HMGCLL1: variants seen among roughly 807,000 people sequenced by gnomAD.
HMGCLL1 encodes 3-hydroxy-3-methylglutaryl-CoA lyase like 1.
A neutral mutation model predicts 39.1 loss-of-function variants in HMGCLL1; 36 were observed. The observed-to-expected ratio is 0.92, with a 90% CI of 0.71 to 1.22. The LOEUF (loss-of-function observed/expected upper bound fraction) is 1.22. Among genes scored for constraint, HMGCLL1 ranks in the 50% most tolerant of loss-of-function variants. HMGCLL1 has a pLI of 0.00. For synonymous variants in HMGCLL1, 149 were observed against 144.0 expected, an observed-to-expected ratio of 1.03 and a Z score of -0.25; for missense variants, 451 against 416.5, an observed-to-expected ratio of 1.08 and a Z score of -0.72.
chr6:55,666,769 G>C, the HMGCLL1 span, among the ~76,000 whole-genome samples: 1 of 151,616 alleles, frequency 6.6e-6, no homozygotes, highest in Non-Finnish European at 1.5e-5. Flanking sequence ...AGCCAGTTTA[G>C]AAAGCTGCAC....
chr6:55,599,358 T>A, the HMGCLL1 span, among the ~76,000 whole-genome samples: 1 of 152,204 alleles, frequency 6.6e-6, no homozygotes, highest in Non-Finnish European at 1.5e-5. Context: ...AACTTAGATA[T>A]AAGCCAGCAT....
chr6:55,499,740 C>T (rs1221060846), intron 5 of HMGCLL1, among the ~76,000 whole-genome samples: 2 of 151,998 alleles, frequency 1.3e-5, no homozygotes, highest in Non-Finnish European at 2.9e-5. Context: ...GATATTTTGG[C>T]CTCATTTAGG....
the HMGCLL1 span, among the ~76,000 whole-genome samples, chr6:55,609,730 A>AC: frequency 1.3e-5 from 2 of 150,874 alleles, no homozygotes; most frequent in Non-Finnish European, 3.0e-5. Flanking sequence ...CTGCATGAGA[A>AC]CCCCCAACAG....
At chr6:55,553,876 T>C (rs952009415) in intron 1 of HMGCLL1, among the ~76,000 whole-genome samples, 3 of 152,180 alleles carry the variant, frequency 2.0e-5, no homozygotes, top group Non-Finnish European at 4.4e-5. Context: ...ATCAAAATAA[T>C]ACCTGGAAAT....
At chr6:55,547,480 T>C (rs1770053864) in intron 1 of HMGCLL1, among the ~76,000 whole-genome samples, 1 of 152,034 alleles carries the variant, frequency 6.6e-6, no homozygotes, top group Non-Finnish European at 1.5e-5. Context: ...TAACATCATC[T>C]ATAGTAGAAA....
the HMGCLL1 span, among the ~76,000 whole-genome samples, chr6:55,661,518 T>C: frequency 6.6e-6 from 1 of 152,066 alleles, no homozygotes; most frequent in African/African-American, 2.4e-5. Context: ...GATCAGATGA[T>C]TGTAGGTGTG....
chr6:55,486,010 A>G (rs1766007185), intron 7 of HMGCLL1, among the ~76,000 whole-genome samples: 1 of 151,232 alleles, frequency 6.6e-6, no homozygotes, highest in African/African-American at 2.4e-5. Flanking sequence ...CAAAAGTGGG[A>G]TCAGTTAAAT....
the HMGCLL1 span, among the ~76,000 whole-genome samples, chr6:55,659,491 A>G: frequency 6.6e-6 from 1 of 151,944 alleles, no homozygotes; most frequent in Non-Finnish European, 1.5e-5. Flanking sequence ...TCAAAAGAAA[A>G]TAACTGGCAT....
rs186025127 is a variant in HMGCLL1 at position 55,439,238 on chromosome 6, G to A, written c.921+196C>T. On this transcript the variant is annotated intron_variant, in intron 8 of 8. Coordinates refer to ENST00000274901, the MANE Select transcript of HMGCLL1 (RefSeq NM_001042406.2). Reference sequence around the variant, plus strand: ...AAAATGTGAAATGGTAGCATTATTGGTGATTGAGCTATAGCAATGAGTTAC... The same window carrying A: ...AAAATGTGAAATGGTAGCATTATTGATGATTGAGCTATAGCAATGAGTTAC... 1.2e-3 allele frequency among the ~76,000 whole-genome samples: 190 copies of A among 152,172 alleles called. 6 individuals are homozygous for A. Among genetic ancestry groups the A allele is most frequent in the Admixed American group, 0.012 (188 of 15,256 alleles).
At chr6:55,671,290 T>C in the HMGCLL1 span, among the ~76,000 whole-genome samples, 2 of 151,704 alleles carry the variant, frequency 1.3e-5, no homozygotes, top group Admixed American at 6.6e-5. Flanking sequence ...TTGGAGAGAT[T>C]TGAAGCATGA....
upstream of HMGCLL1, among the ~76,000 whole-genome samples, chr6:55,581,745 A>C (rs1043069470): frequency 2.6e-5 from 4 of 152,048 alleles, no homozygotes; most frequent in African/African-American, 9.7e-5. Context: ...CTACGAAGTG[A>C]GTAAGTGCCA....
At chr6:55,531,560 A>G (rs1270749479) in intron 3 of HMGCLL1, among the ~76,000 whole-genome samples, 1 of 152,154 alleles carries the variant, frequency 6.6e-6, no homozygotes, top group Non-Finnish European at 1.5e-5. Flanking sequence ...GATGAACTCA[A>G]TACAATTGAA....
rs145981524 is a variant in HMGCLL1 at position 55,544,311 on chromosome 6, C to T, written c.109-2171G>A. Among the ~76,000 whole-genome samples, 322 of 152,094 alleles carry T rather than the reference C, an allele frequency of 2.1e-3. 1 individual carries two copies. Among genetic ancestry groups the T allele is most frequent in the South Asian group, 0.019 (90 of 4,812 alleles). ...GCTGTTATTTAAAATCGGGGGAAAA[C>T]GAAACAGCCTTTGAAATAGTATATT... On this transcript the variant is annotated intron_variant, in intron 1 of 8. Coordinates refer to ENST00000274901, the MANE Select transcript of HMGCLL1 (RefSeq NM_001042406.2).
the HMGCLL1 span, among the ~76,000 whole-genome samples, chr6:55,595,025 C>A: frequency 6.6e-6 from 1 of 152,034 alleles, no homozygotes; most frequent in Non-Finnish European, 1.5e-5. Context: ...TTTTTCCGTA[C>A]AATATTTCAA....
At chr6:55,470,947 A>T (rs1194218578) in intron 7 of HMGCLL1, among the ~76,000 whole-genome samples, 1 of 151,756 alleles carries the variant, frequency 6.6e-6, no homozygotes, top group Non-Finnish European at 1.5e-5. Context: ...ACCTCCTACC[A>T]GGTCCCTCCC....
intron 5 of HMGCLL1, chr6:55,513,302 GTCCTGTAA>G (rs1418768911): frequency 6.6e-6 from 1 of 152,062 alleles, no homozygotes; most frequent in East Asian, 1.9e-4. Context: ...TATTTTCCAT[GTCCTGTAA>G]TCAACATCTC....
At chr6:55,477,138 G>GATATAATATATATATTATATATTATA (rs1561903850) in intron 7 of HMGCLL1, among the ~76,000 whole-genome samples, 8 of 60,708 alleles carry the variant, frequency 1.3e-4, no homozygotes, top group Admixed American at 6.1e-4. Context: ...ATATATAATA[G>GATATAATATATATATTATATATTATA]ATATAATATA....
At chr6:55,435,880 G>T (rs1039272481) in intron 8 of HMGCLL1, 117 bp from the exon 9 acceptor site, 3 of 484,082 alleles carry the variant, frequency 6.2e-6, no homozygotes, top group Admixed American at 3.7e-5. Context: ...ACTAAACAAA[G>T]TGGTGTTGGT....
the HMGCLL1 span, among the ~76,000 whole-genome samples, chr6:55,666,307 C>T: frequency 6.6e-6 from 1 of 151,756 alleles, no homozygotes; most frequent in East Asian, 1.9e-4. Context: ...AGAATTAACC[C>T]ACAGGGTACT....
Sources: allele counts gnomAD v4.1 joint callset (sites outside exome capture counted in the v4.1 genomes callset), GRCh38; gene constraint gnomAD v4.1.1; transcripts MANE v1.5; gene names NCBI Gene and HGNC (gene_info 2026-07-23, HGNC 2026-07-21).